The following SPATA12 variants were observed in gnomAD, a reference collection of about 807,000 sequenced individuals.
SPATA12 encodes the protein spermatogenesis-associated protein 12.
For synonymous variants in SPATA12, 85 were observed against 89.2 expected (o/e 0.95, Z 0.26); for missense variants, 219 against 226.4 (o/e 0.97, Z 0.21).
At chr3:57,066,134 C>T (rs1038194276) in intron 1 of SPATA12, among the ~76,000 whole-genome samples, 4 of 152,132 alleles carry the variant, frequency 2.6e-5, no homozygotes, top group Admixed American at 6.5e-5. Flanking sequence ...CCATCTGGTC[C>T]ACCTGTAATT....
At chr3:57,064,301 ATTCTTTCTTTTTTTT>A (rs1377835293) in intron 1 of SPATA12, among the ~76,000 whole-genome samples, 8 of 151,818 alleles carry the variant, frequency 5.3e-5, no homozygotes, top group South Asian at 2.1e-4. Context: ...CAAGAAGGAA[ATTCTTTCTTTTTTTT>A]TTCTTTCTTT....
chr3:57,072,707 C>T (rs1579223229), intron 1 of SPATA12, among the ~76,000 whole-genome samples: 1 of 115,452 alleles, frequency 8.7e-6, no homozygotes, highest in Non-Finnish European at 1.7e-5. Flanking sequence ...CCACCCTGGG[C>T]AACAGAACGA....
intron 1 of SPATA12, among the ~76,000 whole-genome samples, chr3:57,071,748 G>A (rs1023874271): frequency 6.6e-6 from 1 of 151,154 alleles, no homozygotes; most frequent in Non-Finnish European, 1.5e-5. Context: ...CAAAAGCACA[G>A]GAAACCCAAG....
At chr3:57,066,954 A>G (rs1705572109) in intron 1 of SPATA12, among the ~76,000 whole-genome samples, 1 of 152,070 alleles carries the variant, frequency 6.6e-6, no homozygotes, top group Non-Finnish European at 1.5e-5. Flanking sequence ...CTAAAAATCA[A>G]CCTCTCAATA....
Position 57,074,356 on chromosome 3 carries a change from CCACCA to C in SPATA12, c.*90_*94del. The C allele has an allele frequency of 8.3e-7, 1 of 1,200,410 alleles. No homozygotes were observed. Among genetic ancestry groups the C allele is most frequent in the Non-Finnish European group, 1.2e-6 (1 of 837,922 alleles). 74.4% of individuals were successfully genotyped at this position (1,200,410 alleles called of 1,614,324 possible). A position where few individuals can be genotyped will look rare whatever the true frequency, so the allele number is the denominator to read the frequency against. On this transcript the variant is annotated 3_prime_UTR_variant, in exon 2 of 2. Coordinates refer to ENST00000334325, the MANE Select transcript of SPATA12 (RefSeq NM_181727.2). Reference sequence around the variant, plus strand: ...ATGCCCTCCCTTCCATCCCCCACCCCCACCAGGGGTGACTCGTAGCCATCCCTTTC... The same window carrying C: ...ATGCCCTCCCTTCCATCCCCCACCCCGGGGTGACTCGTAGCCATCCCTTTC...
chr3:57,073,591 A>G lies in SPATA12; in HGVS notation c.-104A>G, dbSNP rs1394147406. 1 of 1,463,080 alleles carries G rather than the reference A, an allele frequency of 6.8e-7. No individual in the cohort carries two copies. Among genetic ancestry groups the G allele is most frequent in the Non-Finnish European group, 9.0e-7 (1 of 1,110,998 alleles). 90.6% of individuals were successfully genotyped at this position (1,463,080 alleles called of 1,614,324 possible). On this transcript the variant is annotated 5_prime_UTR_variant, in exon 2 of 2. Coordinates refer to ENST00000334325, the MANE Select transcript of SPATA12 (RefSeq NM_181727.2). ...GGCTGAAGGTGAATTGGAACAGTGC[A>G]CTCAGAGCCAGGTTGCAAGAGTGCT...
Position 57,075,193 on chromosome 3 carries a change from C to T in SPATA12, c.*926C>T, listed in dbSNP as rs977182352. On this transcript the variant is annotated 3_prime_UTR_variant, in exon 2 of 2. Coordinates refer to ENST00000334325, the MANE Select transcript of SPATA12 (RefSeq NM_181727.2). ...CTTCTCTGACTGAAGCCAGCTCTGC[C>T]TCCATCCCATCACTCTGGATCTCCT... 6.0e-6 allele frequency: 1 copy of T among 167,242 alleles called. No individual in the cohort carries two copies. Among genetic ancestry groups the T allele is most frequent in the Admixed American group, 6.5e-5 (1 of 15,282 alleles). The allele number at this position is 167,242 out of a possible 1,614,324, so 10.4% of individuals were successfully genotyped here. A position where few individuals can be genotyped will look rare whatever the true frequency, so the allele number is the denominator to read the frequency against.
chr3:57,066,339 G>A (rs1015282282), intron 1 of SPATA12, among the ~76,000 whole-genome samples: 19 of 150,726 alleles, frequency 1.3e-4, no homozygotes, highest in Non-Finnish European at 2.8e-4. Context: ...TTGGCTCACC[G>A]CAACCTCCGC....
chr3:57,065,078 G>C (rs1245859811), intron 1 of SPATA12, among the ~76,000 whole-genome samples: 1 of 152,236 alleles, frequency 6.6e-6, no homozygotes, highest in African/African-American at 2.4e-5. Flanking sequence ...AGAGGGTTCT[G>C]CTGTTTTTAA....
chr3:57,065,895 A>G (rs1371923464), intron 1 of SPATA12, among the ~76,000 whole-genome samples: 1 of 152,166 alleles, frequency 6.6e-6, no homozygotes, highest in Non-Finnish European at 1.5e-5. Context: ...ACTTAGGCCC[A>G]TGAACTCTCA....
At chr3:57,063,835 G>C (rs753296461) in intron 1 of SPATA12, among the ~76,000 whole-genome samples, 69 of 152,290 alleles carry the variant, frequency 4.5e-4, no homozygotes, top group Non-Finnish European at 8.2e-4. Context: ...CCTGAAATGA[G>C]GGGCTCAAAA....
Position 57,074,587 on chromosome 3 carries a change from G to A in SPATA12, c.*320G>A. 3.4e-6 allele frequency: 1 copy of A among 295,398 alleles called. No homozygotes were observed. Among genetic ancestry groups the A allele is most frequent in the East Asian group, 6.9e-5 (1 of 14,430 alleles). The allele number at this position is 295,398 out of a possible 1,614,324, so 18.3% of individuals were successfully genotyped here. ...TCAATCAATCGATCAATCAATGAAA[G>A]AGTGGGAGGCATGCATCTCCTGATC... On this transcript the variant is annotated 3_prime_UTR_variant, in exon 2 of 2. Transcript: ENST00000334325.
intron 1 of SPATA12, among the ~76,000 whole-genome samples, chr3:57,067,427 C>A (rs1010427484): frequency 6.7e-6 from 1 of 150,018 alleles, no homozygotes; most frequent in African/African-American, 2.5e-5. Context: ...TGCACTCCAG[C>A]CTGGGTGACA....
chr3:57,073,551 T>G lies in SPATA12; in HGVS notation c.-144T>G. 7.4e-7 allele frequency: 1 copy of G among 1,352,534 alleles called. No individual in the cohort carries two copies. Among genetic ancestry groups the G allele is most frequent in the Non-Finnish European group, 9.8e-7 (1 of 1,023,356 alleles). The allele number at this position is 1,352,534 out of a possible 1,614,324, so 83.8% of individuals were successfully genotyped here. On this transcript the variant is annotated 5_prime_UTR_variant, in exon 2 of 2. Coordinates refer to ENST00000334325, the MANE Select transcript of SPATA12 (RefSeq NM_181727.2). ...GCTCTGTTTGAGCACCCCGGGATGA[T>G]TGGTGGTGGGGTGTGGCTGAAGGTG...
chr3:57,068,087 C>T (rs1469883079), intron 1 of SPATA12, among the ~76,000 whole-genome samples: 1 of 152,092 alleles, frequency 6.6e-6, no homozygotes, highest in East Asian at 1.9e-4. Flanking sequence ...GCAAGAGGAT[C>T]ACTTGAGCCC....
In SPATA12 at chr3:57,074,173, G is replaced by A; in HGVS notation, c.479G>A (p.Cys160Tyr). 2 of 1,614,140 alleles carry A rather than the reference G, an allele frequency of 1.2e-6. No homozygotes were observed. The highest frequency in any genetic ancestry group is 1.7e-6 in the Non-Finnish European group (2 of 1,180,038). ...GATGCCGAGCCCAGTAGCACAGGGT[G>A]CAGCCGTTCAAACCAACTGACATTT... is the stretch of plus-strand genomic sequence containing the variant. ...DIDAEPSSTG[C>Y]SRSNQLTFTE... The change falls in exon 2 of 2, where the codon TGC becomes TAC. Residue 160 changes from cysteine to tyrosine, a missense_variant. Transcript: ENST00000334325.
intron 1 of SPATA12, among the ~76,000 whole-genome samples, chr3:57,065,485 T>C (rs1332618066): frequency 6.6e-6 from 1 of 151,960 alleles, no homozygotes; most frequent in Non-Finnish European, 1.5e-5. Context: ...AGAAATTACT[T>C]GCAAAAGAAA....
At chr3:57,071,951 T>C (rs922517033) in intron 1 of SPATA12, among the ~76,000 whole-genome samples, 3 of 152,090 alleles carry the variant, frequency 2.0e-5, no homozygotes, top group African/African-American at 7.2e-5. Context: ...AATTTAAAAA[T>C]AGATAAAAGA....
rs375222068 is a variant in SPATA12, at chr3:57,073,689, G to A, written c.-6G>A. Reference sequence around the variant, plus strand: ...TCTGGAGAATTCTGTTTTTGACTTGGGCCCCATGTCCAGTTCTGCTCTGAC... The same window carrying A: ...TCTGGAGAATTCTGTTTTTGACTTGAGCCCCATGTCCAGTTCTGCTCTGAC... On this transcript the variant is annotated 5_prime_UTR_variant, in exon 2 of 2. Coordinates refer to ENST00000334325, the MANE Select transcript of SPATA12 (RefSeq NM_181727.2). The A allele has an allele frequency of 1.3e-5, 21 of 1,601,636 alleles. No individual in the cohort carries two copies. The African/African-American group carries it at 2.3e-4, about 17-fold the overall frequency.
Sources: gnomAD v4.1 joint callset for allele counts (sites outside exome capture counted in the v4.1 genomes callset) on GRCh38, gnomAD v4.1.1 for gene constraint, MANE v1.5 for transcripts, NCBI Gene and HGNC (gene_info 2026-07-23, HGNC 2026-07-21) for gene names.